The following DYNLL1 variants were observed in gnomAD, a reference collection of about 807,000 sequenced individuals.
The protein encoded by DYNLL1 is dynein light chain LC8-type 1, also known as dynein light chain 1, cytoplasmic.
DYNLL1 carries 3 observed loss-of-function variants against 10.1 expected under a neutral mutation model. The observed-to-expected ratio is 0.30, with a 90% CI of 0.14 to 0.77. DYNLL1 has a LOEUF of 0.77. Ranked by LOEUF, DYNLL1 falls within the 30% of genes least tolerant of loss-of-function variation. The pLI is 0.66. For missense variants in DYNLL1, 47 were observed against 111.7 expected, an observed-to-expected ratio of 0.42 and a Z score of 2.61; for synonymous variants, 46 against 41.2, an observed-to-expected ratio of 1.12 and a Z score of -0.45.
chr12:120,489,607 C>T (rs1879075318), intron 1 of DYNLL1, among the ~76,000 whole-genome samples: 1 of 152,210 alleles, frequency 6.6e-6, no homozygotes, highest in Non-Finnish European at 1.5e-5. Flanking sequence ...TCGCTGCTCC[C>T]ATCAGCTTCC....
chr12:120,483,498 T>C (rs1166866569), intron 1 of DYNLL1, among the ~76,000 whole-genome samples: 1 of 152,268 alleles, frequency 6.6e-6, no homozygotes, highest in East Asian at 1.9e-4. Flanking sequence ...CCTGAGCACC[T>C]GGAAGAATGC....
chr12:120,487,044 G>A (rs1282383654), intron 1 of DYNLL1, among the ~76,000 whole-genome samples: 2 of 148,224 alleles, frequency 1.3e-5, no homozygotes, highest in Non-Finnish European at 1.5e-5. Flanking sequence ...GCGCCATCTC[G>A]GCTCACTGCA....
rs1555221130 is a variant in DYNLL1 at position 120,479,459 on chromosome 12, A to AAAAT, written c.-7+9358_-7+9359insTAAA. 2.9e-4 allele frequency among the ~76,000 whole-genome samples: 38 copies of AAAAT among 132,150 alleles called. 1 individual carries two copies. Among genetic ancestry groups the AAAAT allele is most frequent in the African/African-American group, 1.1e-3 (38 of 35,488 alleles). The allele number at this position is 132,150 out of a possible 152,430, so 86.7% of individuals were successfully genotyped here. On this transcript the variant is annotated intron_variant, in intron 1 of 2. Coordinates refer to the DYNLL1 transcript ENST00000392509. ...GTGAAACTCCGTCTCCAAAAAAAAA[A>AAAAT]AAAAAAAAAAATAATAATAATAATA...
chr12:120,493,645 T>C (rs1879190918), upstream of DYNLL1, among the ~76,000 whole-genome samples: 1 of 151,602 alleles, frequency 6.6e-6, no homozygotes, highest in African/African-American at 2.4e-5. Context: ...AGAGTCTCGC[T>C]CTGTCTCCCA....
intron 1 of DYNLL1, among the ~76,000 whole-genome samples, chr12:120,487,684 T>C (rs787822): frequency 0.27 from 40,980 of 151,944 alleles, 6,630 homozygotes; most frequent in Admixed American, 0.39. Flanking sequence ...AAAGCAGGGA[T>C]ATAGAGGCAG....
chr12:120,485,962 A>G (rs1194337980), intron 1 of DYNLL1, among the ~76,000 whole-genome samples: 2 of 152,018 alleles, frequency 1.3e-5, no homozygotes, highest in Non-Finnish European at 2.9e-5. Context: ...ATCTCTGTAC[A>G]GTTAACATTT....
At chr12:120,491,832 C>A (rs979639955), upstream of DYNLL1, 1 of 152,226 alleles carries the variant, frequency 6.6e-6, no homozygotes, top group Non-Finnish European at 1.5e-5. Flanking sequence ...GTGTCTGTTG[C>A]GGAGGAATCA....
At chr12:120,495,469 C>G (rs1276824448), upstream of DYNLL1, 1 of 152,174 alleles carries the variant, frequency 6.6e-6, no homozygotes, top group African/African-American at 2.4e-5. Context: ...TTGAAGCCCT[C>G]CCTCAATCCT....
At chr12:120,472,358 T>A (rs1300624010) in intron 1 of DYNLL1, among the ~76,000 whole-genome samples, 2 of 152,200 alleles carry the variant, frequency 1.3e-5, no homozygotes, top group African/African-American at 4.8e-5. Flanking sequence ...ATTATAACTA[T>A]CTGTTGTATT....
intron 2 of DYNLL1, 71 bp downstream of exon 2, chr12:120,496,624 AAGGGCGCCTGAC>A (rs1868422391): frequency 6.2e-7 from 1 of 1,612,856 alleles, no homozygotes; most frequent in Non-Finnish European, 8.5e-7. Flanking sequence ...CTGCTTTCCT[AAGGGCGCCTGAC>A]AGGTCCCGGG....
At chr12:120,477,670 G>A (rs1878785557) in intron 1 of DYNLL1, among the ~76,000 whole-genome samples, 1 of 152,062 alleles carries the variant, frequency 6.6e-6, no homozygotes. Flanking sequence ...AGCTACTCTG[G>A]AGGTAGAAGC....
chr12:120,487,387 A>C (rs1879022199), intron 1 of DYNLL1, among the ~76,000 whole-genome samples: 1 of 111,420 alleles, frequency 9.0e-6, no homozygotes, highest in African/African-American at 3.5e-5. Context: ...TGCAGTATTT[A>C]CTGGGTTCAC....
chr12:120,476,326 TA>T (rs1178399548), intron 1 of DYNLL1, among the ~76,000 whole-genome samples: 7 of 150,416 alleles, frequency 4.7e-5, no homozygotes, highest in African/African-American at 4.9e-5. Context: ...TTTTTTAAGT[TA>T]AAAAAAAATA....
At chr12:120,477,417 C>A (rs11613214) in intron 1 of DYNLL1, among the ~76,000 whole-genome samples, 25,023 of 151,770 alleles carry the variant, frequency 0.16, 2,687 homozygotes, top group African/African-American at 0.31. Flanking sequence ...CACTGGTGCT[C>A]GGGATACAAC....
At chr12:120,489,611 A>G (rs1291900964) in intron 1 of DYNLL1, among the ~76,000 whole-genome samples, 1 of 152,130 alleles carries the variant, frequency 6.6e-6, no homozygotes, top group Non-Finnish European at 1.5e-5. Flanking sequence ...TGCTCCCATC[A>G]GCTTCCCCAC....
chr12:120,471,288 G>A (rs1164040099), intron 1 of DYNLL1, among the ~76,000 whole-genome samples: 8 of 151,358 alleles, frequency 5.3e-5, no homozygotes, highest in Admixed American at 1.3e-4. Flanking sequence ...CACGAGAATC[G>A]CTTGAATCTG....
At chr12:120,480,974 T>A (rs1381202268) in intron 1 of DYNLL1, among the ~76,000 whole-genome samples, 1 of 152,122 alleles carries the variant, frequency 6.6e-6, no homozygotes, top group Non-Finnish European at 1.5e-5. Context: ...TTCGCCAGGA[T>A]GGTCTCGATC....
At chr12:120,497,919 T>C in intron 2 of DYNLL1, 154 bp from the exon 3 acceptor site, 1 of 712,286 alleles carries the variant, frequency 1.4e-6, no homozygotes, top group Non-Finnish European at 2.3e-6. Flanking sequence ...ATGTACTATG[T>C]AGGCGGCTTG....
intron 1 of DYNLL1, among the ~76,000 whole-genome samples, chr12:120,471,411 G>A (rs538659167): frequency 2.0e-5 from 3 of 151,926 alleles, no homozygotes; most frequent in Admixed American, 1.3e-4. Context: ...CAAAAAAAGG[G>A]ACTAAAACCA....
Sources: allele counts gnomAD v4.1 joint callset (sites outside exome capture counted in the v4.1 genomes callset), GRCh38; gene constraint gnomAD v4.1.1; transcripts MANE v1.5; gene names NCBI Gene and HGNC (gene_info 2026-07-23, HGNC 2026-07-21).